Variants in ZNF438 observed in about 807,000 individuals in gnomAD.
The protein encoded by ZNF438 is zinc finger protein 438.
ZNF438 carries 25 observed loss-of-function variants against 38.0 expected under a neutral mutation model. The observed-to-expected ratio is 0.66, with a 90% confidence interval of 0.48 to 0.92. ZNF438 has a LOEUF of 0.92. Ranked by LOEUF, ZNF438 falls within the 40% of genes least tolerant of loss-of-function variation. The probability of loss-of-function intolerance (pLI) is 0.00; values close to 1 mark genes in which losing one functional copy is unlikely to be tolerated. For synonymous variants in ZNF438, 372 were observed against 364.1 expected, an observed-to-expected ratio of 1.02 and a Z score of -0.25; for missense variants, 1,007 against 999.6, an observed-to-expected ratio of 1.01 and a Z score of -0.10.
chr10:30,888,181 G>A (rs374815440), intron 3 of ZNF438, among the ~76,000 whole-genome samples: 6 of 151,972 alleles, frequency 3.9e-5, no homozygotes, highest in African/African-American at 1.5e-4. Flanking sequence ...TATTAAGCAC[G>A]GACCACTTAA....
rs763878446 is a variant in ZNF438 at position 30,850,373 on chromosome 10, A to G, written c.38-6T>C. The G allele has an allele frequency of 9.3e-6, 15 of 1,606,878 alleles. No homozygotes were observed. Among genetic ancestry groups the G allele is most frequent in the Non-Finnish European group, 1.0e-5 (12 of 1,176,366 alleles). ...AGAAGGGATGTTTGATTCACCTGCAATGACAATAAAATATAAAGAGTTACT... is the reference window on the plus strand; with the variant it reads ...AGAAGGGATGTTTGATTCACCTGCAGTGACAATAAAATATAAAGAGTTACT... On this transcript the variant is annotated splice_polypyrimidine_tract_variant and splice_region_variant and intron_variant, in intron 4 of 5. Coordinates refer to ENST00000413025, the Ensembl canonical transcript of ZNF438.
intron 1 of ZNF438, chr10:30,984,383 T>C (rs2052544739): frequency 6.6e-6 from 1 of 152,162 alleles, no homozygotes; most frequent in African/African-American, 2.4e-5. Flanking sequence ...ATCCCAAGGC[T>C]CCTGTAGAGT....
In ZNF438 at chr10:30,985,622, T is replaced by C. The variant is rs557802717; in HGVS notation, c.-191-43971A>G. 5.9e-5 allele frequency among the ~76,000 whole-genome samples: 9 copies of C among 152,352 alleles called. No homozygotes were observed. In the South Asian group the frequency reaches 1.9e-3, roughly 32 times the overall value. Reference sequence around the variant, plus strand: ...TCTGTAGAATATGAAACACTTGACATTGCTTTAATTGCTACTTAAAAATCA... The same window carrying C: ...TCTGTAGAATATGAAACACTTGACACTGCTTTAATTGCTACTTAAAAATCA... On this transcript the variant is annotated intron_variant, in intron 1 of 5. Coordinates refer to ENST00000413025, the Ensembl canonical transcript of ZNF438.
At chr10:30,981,586 A>T (rs1400448698) in intron 1 of ZNF438, among the ~76,000 whole-genome samples, 1 of 152,198 alleles carries the variant, frequency 6.6e-6, no homozygotes, top group Admixed American at 6.5e-5. Context: ...TGGTACATAG[A>T]AAATGTTCAG....
intron 1 of ZNF438, among the ~76,000 whole-genome samples, chr10:30,965,437 G>T (rs1255104835): frequency 6.6e-6 from 1 of 152,006 alleles, no homozygotes; most frequent in African/African-American, 2.4e-5. Flanking sequence ...TTTCCTAAAG[G>T]AAAATAAATC....
exon 6 of ZNF438, chr10:30,845,395 C>T (rs1386807016): frequency 3.1e-6 from 5 of 1,614,144 alleles, no homozygotes; most frequent in Admixed American, 1.7e-5. Context: ...CCCTTGCTTC[C>T]TGGGAAGGTC....
intron 4 of ZNF438, among the ~76,000 whole-genome samples, chr10:30,852,428 G>A (rs2033829280): frequency 1.3e-5 from 2 of 151,888 alleles, no homozygotes; most frequent in Admixed American, 1.3e-4. Context: ...GGCTGGTCTC[G>A]AACTCCCGAC....
At chr10:30,848,802 A>G (rs150927703) in exon 5 of ZNF438, 21 of 1,614,174 alleles carry the variant, frequency 1.3e-5, no homozygotes, top group Middle Eastern at 1.6e-4. Flanking sequence ...CGACAACTGT[A>G]AGGGCGTCTG....
chr10:30,987,875 T>A (rs972349056), intron 1 of ZNF438, among the ~76,000 whole-genome samples: 1 of 152,192 alleles, frequency 6.6e-6, no homozygotes, highest in Admixed American at 6.5e-5. Flanking sequence ...ACCCAGTATG[T>A]CATATTTTGA....
chr10:30,981,431 A>G (rs1317303161), intron 1 of ZNF438, among the ~76,000 whole-genome samples: 1 of 152,208 alleles, frequency 6.6e-6, no homozygotes, highest in South Asian at 2.1e-4. Context: ...GGTACTGTAC[A>G]TAATAGGCAC....
chr10:30,925,623 C>T (rs2044824511), intron 2 of ZNF438, among the ~76,000 whole-genome samples: 3 of 152,320 alleles, frequency 2.0e-5, no homozygotes, highest in Admixed American at 6.5e-5. Context: ...CCTTTCCAAG[C>T]CTTTCCAACC....
intron 1 of ZNF438, among the ~76,000 whole-genome samples, chr10:31,013,634 G>A (rs997661768): frequency 6.6e-6 from 1 of 152,088 alleles, no homozygotes; most frequent in Non-Finnish European, 1.5e-5. Context: ...GGAAGATGCA[G>A]GAAAGAAACT....
intron 3 of ZNF438, among the ~76,000 whole-genome samples, chr10:30,900,820 G>T (rs1473951572): frequency 1.3e-5 from 2 of 152,120 alleles, no homozygotes; most frequent in Admixed American, 6.6e-5. Flanking sequence ...TTTTTAAATG[G>T]CCTATACTGC....
At chr10:30,933,212 C>G (rs913865015) in intron 2 of ZNF438, among the ~76,000 whole-genome samples, 2 of 152,130 alleles carry the variant, frequency 1.3e-5, no homozygotes, top group African/African-American at 4.8e-5. Flanking sequence ...CCTCTAAATT[C>G]TGTTCAAAGA....
intron 1 of ZNF438, among the ~76,000 whole-genome samples, chr10:30,969,694 G>A (rs1393952442): frequency 6.6e-6 from 1 of 152,094 alleles, no homozygotes; most frequent in African/African-American, 2.4e-5. Context: ...AGCTTACTCT[G>A]GAAATGAGCA....
chr10:30,867,835 A>G (rs949598617), intron 4 of ZNF438, among the ~76,000 whole-genome samples: 1 of 152,224 alleles, frequency 6.6e-6, no homozygotes. Context: ...CCTAACACAA[A>G]TATTAATTAT....
chr10:30,977,852 G>A (rs113409679), intron 1 of ZNF438, among the ~76,000 whole-genome samples: 272 of 151,752 alleles, frequency 1.8e-3, no homozygotes, highest in Admixed American at 0.015. Flanking sequence ...GCATGGTGGC[G>A]GGCACCTGTA....
chr10:31,013,478 C>T lies in ZNF438; in HGVS notation c.-192+18355G>A, dbSNP rs779198180. 1.2e-4 allele frequency among the ~76,000 whole-genome samples: 19 copies of T among 152,134 alleles called. 1 individual carries two copies. Among genetic ancestry groups the T allele is most frequent in the Non-Finnish European group, 2.2e-4 (15 of 68,026 alleles). On this transcript the variant is annotated intron_variant, in intron 1 of 5. Coordinates refer to ENST00000413025, the Ensembl canonical transcript of ZNF438. ...GTCCACCACTTTCAAGCTCCCTACA[C>T]CCCCTTCACTCAGAAAATGACATCA...
intron 1 of ZNF438, among the ~76,000 whole-genome samples, chr10:30,997,043 A>G (rs2054122132): frequency 1.3e-5 from 2 of 152,182 alleles, no homozygotes; most frequent in Admixed American, 1.3e-4. Flanking sequence ...AGCTAAAGAA[A>G]ATAATACCCA....
Sources: gnomAD v4.1 joint callset for allele counts (sites outside exome capture counted in the v4.1 genomes callset) on GRCh38, gnomAD v4.1.1 for gene constraint, MANE v1.5 for transcripts, NCBI Gene and HGNC (gene_info 2026-07-23, HGNC 2026-07-21) for gene names.